Variants in URB1 observed in about 807,000 individuals in gnomAD.
URB1 encodes the protein nucleolar pre-ribosomal-associated protein 1.
A neutral mutation model predicts 242.3 loss-of-function variants in URB1; 197 were observed. The ratio of observed to expected loss-of-function variants is 0.81; its 90% CI spans 0.72 to 0.91. URB1 has a LOEUF of 0.91. Ranked by LOEUF, URB1 falls within the 40% of genes least tolerant of loss-of-function variation. URB1 has a pLI of 0.00. For missense variants in URB1, 2,721 were observed against 2,860.5 expected (o/e 0.95, Z 1.11); for synonymous variants, 1,153 against 1,201.8 (o/e 0.96, Z 0.84).
Position 32,333,383 on chromosome 21 carries a change from C to T in URB1, c.4894G>A (p.Val1632Met). 9.0e-6 allele frequency: 14 copies of T among 1,551,712 alleles called. No homozygotes were observed. The highest frequency in any genetic ancestry group is 1.2e-5 in the Non-Finnish European group (14 of 1,146,994). ...QELIFKDKSRVDLDGLYDPCF... is the reference protein window; with the variant it reads ...QELIFKDKSRMDLDGLYDPCF... ...GGGTCATAGAGGCCATCAAGATCCA[C>T]CCTGCTTTTGTCTTTGAATATCAGC... The change falls in exon 30 of 39, where the codon GTG (valine) becomes ATG (methionine). Residue 1632 changes from valine (V) to methionine (M), a missense_variant. Coordinates refer to ENST00000382751, the MANE Select transcript of URB1 (RefSeq NM_014825.3).
At position 32,319,428 on chromosome 21, in the gene URB1, C is replaced by A; in HGVS notation, c.5595-14G>T. 1 of 1,499,176 alleles carries A rather than the reference C, an allele frequency of 6.7e-7. No homozygotes were observed. 92.9% of individuals were successfully genotyped at this position (1,499,176 alleles called of 1,614,324 possible). On this transcript the variant is annotated splice_polypyrimidine_tract_variant and intron_variant, in intron 35 of 38. Coordinates refer to ENST00000382751, the MANE Select transcript of URB1 (RefSeq NM_014825.3). ...GTCTCCAGAAACCTAAAACCAAGCA[C>A]AACAGCCTTCAATCCGCCACATCCT...
chr21:32,358,706 TC>T (rs1299761977), intron 14 of URB1, among the ~76,000 whole-genome samples: 1 of 152,036 alleles, frequency 6.6e-6, no homozygotes, highest in African/African-American at 2.4e-5. Context: ...ATTATCAAGA[TC>T]CCATGAGCCT....
rs1256838137 is a variant in URB1, at chr21:32,317,681, A to G, written c.6029T>C (p.Leu2010Pro). Residue 2010 changes from leucine to proline, a missense_variant, in exon 37 of 39, where the codon CTC becomes CCC. Coordinates refer to ENST00000382751, the MANE Select transcript of URB1 (RefSeq NM_014825.3). The stretch of plus-strand genomic sequence containing the variant: ...TCCTGGGTTCTGACACTCACTCATG[A>G]GCTCCCGGGCTTGGGCCTTCTCAAT... ...AAIEKAQARE[L>P]MKMLKDKNKP... is the part of the protein sequence containing the mutation. The G allele has an allele frequency of 6.4e-7, 1 of 1,551,504 alleles. No homozygotes were observed. Among genetic ancestry groups the G allele is most frequent in the African/African-American group, 1.4e-5 (1 of 73,020 alleles).
intron 1 of URB1, among the ~76,000 whole-genome samples, chr21:32,386,795 T>TACTA (rs887813995): frequency 6.6e-6 from 1 of 152,142 alleles, no homozygotes; most frequent in Non-Finnish European, 1.5e-5. Context: ...TTTCCCTAGG[T>TACTA]ACTAGTATTT....
intron 5 of URB1, among the ~76,000 whole-genome samples, chr21:32,377,823 C>T (rs2033476715): frequency 6.6e-6 from 1 of 152,156 alleles, no homozygotes. Context: ...TGGGACTGCT[C>T]CTCACCTCCA....
rs372764607 is a variant in URB1 at position 32,384,356 on chromosome 21, G to A, written c.391C>T (p.His131Tyr). Residue 131 changes from histidine to tyrosine, a missense_variant, in exon 3 of 39, where the codon CAC (histidine) becomes TAC (tyrosine). His to Tyr is a moderately conservative substitution (Grantham distance 83, BLOSUM62 2). Coordinates refer to ENST00000382751, the MANE Select transcript of URB1 (RefSeq NM_014825.3). ...AGGGACTCACAGATGAGCTTCATGT[G>A]GTTGTTCATCAGCTTTTTCACAATG... ...TNIVKKLMNN[H>Y]MKLICESLYA... 22 of 1,552,220 alleles carry A rather than the reference G, an allele frequency of 1.4e-5. No individual in the cohort carries two copies. Among genetic ancestry groups the A allele is most frequent in the Non-Finnish European group, 1.9e-5 (22 of 1,147,120 alleles).
chr21:32,388,999 T>C (rs2033612088), intron 1 of URB1, among the ~76,000 whole-genome samples: 1 of 152,158 alleles, frequency 6.6e-6, no homozygotes, highest in East Asian at 1.9e-4. Flanking sequence ...TGTGAGTATT[T>C]ATTAAGCACC....
intron 24 of URB1, among the ~76,000 whole-genome samples, chr21:32,343,008 T>C (rs2033047841): frequency 6.6e-6 from 1 of 152,052 alleles, no homozygotes; most frequent in South Asian, 2.1e-4. Context: ...AAAAAAAATC[T>C]CTAAATATGG....
chr21:32,313,349 G>C lies in URB1; in HGVS notation c.*1569C>G, dbSNP rs1392938899. 1 of 152,272 alleles carries C rather than the reference G, an allele frequency of 6.6e-6. No individual in the cohort carries two copies. Among genetic ancestry groups the C allele is most frequent in the Non-Finnish European group, 1.5e-5 (1 of 68,064 alleles). The allele number at this position is 152,272 out of a possible 1,614,324, so 9.4% of individuals were successfully genotyped here. ...AAGGAATCCCCAAAGATAGGCCTTG[G>C]AGAGGTGGATAAAGATTAAGGGGAA... On this transcript the variant is annotated 3_prime_UTR_variant, in exon 39 of 39. Transcript: ENST00000382751.
Position 32,358,052 on chromosome 21 carries a change from C to T in URB1, c.1870-396G>A, listed in dbSNP as rs575774422. Reference sequence around the variant, plus strand: ...TCCAAAAACAAAAAACAAAACATAACGTAGCAGGAGCCATCACTTGCTGAA... The same window carrying T: ...TCCAAAAACAAAAAACAAAACATAATGTAGCAGGAGCCATCACTTGCTGAA... On this transcript the variant is annotated intron_variant, in intron 14 of 38. Transcript: ENST00000382751. Among the ~76,000 whole-genome samples, 9 of 152,226 alleles carry T rather than the reference C, an allele frequency of 5.9e-5. No homozygotes were observed. The East Asian group carries it at 1.4e-3, about 23-fold the overall frequency.
intron 20 of URB1, 100 bp from the exon 21 acceptor site, chr21:32,349,583 G>C (rs912342268): frequency 7.8e-7 from 1 of 1,282,942 alleles, no homozygotes; most frequent in Non-Finnish European, 1.0e-6. Context: ...GGAGACTCGG[G>C]AGGCAGGCTG....
At chr21:32,351,066 G>A in intron 19 of URB1, 144 bp from the exon 20 acceptor site, 1 of 858,380 alleles carries the variant, frequency 1.2e-6, no homozygotes. Flanking sequence ...GGGACCGTGT[G>A]GCATTTTACT....
At chr21:32,389,645 A>T (rs1175217000) in intron 1 of URB1, among the ~76,000 whole-genome samples, 1 of 152,254 alleles carries the variant, frequency 6.6e-6, no homozygotes, top group Non-Finnish European at 1.5e-5. Flanking sequence ...TCTGGCAGGA[A>T]CATCCAGCTA....
In URB1 at chr21:32,347,233, G is replaced by C; in HGVS notation, c.3591C>G (p.Asp1197Glu). ...LLPTLAVDEL[D>E]TVLLHTLQRD... ...TCTGCAGAGTGTGGAGGAGCACTGT[G>C]TCCAGCTCGTCCACTGCTAGCGTGG... Residue 1197 changes from aspartate (D) to glutamate (E), a missense_variant, in exon 22 of 39, where the codon GAC becomes GAG. Physicochemically the swap from Asp to Glu is conservative, Grantham distance 45. Transcript: ENST00000382751. 1 of 1,550,730 alleles carries C rather than the reference G, an allele frequency of 6.4e-7. No individual in the cohort carries two copies. Among genetic ancestry groups the C allele is most frequent in the Non-Finnish European group, 8.7e-7 (1 of 1,146,966 alleles).
intron 15 of URB1, among the ~76,000 whole-genome samples, chr21:32,357,328 A>C (rs998292376): frequency 6.6e-5 from 10 of 152,142 alleles, no homozygotes; most frequent in Admixed American, 3.3e-4. Flanking sequence ...AAAAAAAAAA[A>C]AAAACATTTT....
intron 24 of URB1, among the ~76,000 whole-genome samples, chr21:32,342,989 C>T (rs897612872): frequency 2.6e-5 from 4 of 151,844 alleles, no homozygotes; most frequent in Admixed American, 1.3e-4. Context: ...CCGCAGTCAT[C>T]GGGTGGGGAA....
At position 32,366,737 on chromosome 21, in the gene URB1, C is replaced by A; in HGVS notation, c.1216G>T (p.Glu406Ter). The A allele has an allele frequency of 6.4e-7, 1 of 1,551,572 alleles. No individual in the cohort carries two copies. The change falls in exon 10 of 39, where the codon GAG becomes TAG. Residue 406 changes from glutamate (E) to a stop codon, truncating the protein, a stop_gained. Coordinates refer to ENST00000382751, the MANE Select transcript of URB1 (RefSeq NM_014825.3). LOFTEE classifies it high-confidence loss of function. ...CTGGTCTGAAATGCCCGGGAAATCT[C>A]CGGCTGAGCCTCATAGATCTAGGAA... Reference protein sequence around the residue: ...LLNKIYEAQPEISRAFQTREF... With the variant: ...LLNKIYEAQP
Position 32,314,053 on chromosome 21 carries a change from A to G in URB1, c.*865T>C, listed in dbSNP as rs898772079. 1.9e-5 allele frequency: 3 copies of G among 154,286 alleles called. No individual in the cohort carries two copies. Among genetic ancestry groups the G allele is most frequent in the African/African-American group, 7.2e-5 (3 of 41,482 alleles). 9.6% of individuals were successfully genotyped at this position (154,286 alleles called of 1,614,324 possible). A position where few individuals can be genotyped will look rare whatever the true frequency, so the allele number is the denominator to read the frequency against. Reference sequence around the variant, plus strand: ...GGCTGTCTTCTCAAAGCAGAGGTCAAATCACTTTTATTCTTTAAGGATTCA... The same window carrying G: ...GGCTGTCTTCTCAAAGCAGAGGTCAGATCACTTTTATTCTTTAAGGATTCA... On this transcript the variant is annotated 3_prime_UTR_variant, in exon 39 of 39. Coordinates refer to ENST00000382751, the MANE Select transcript of URB1 (RefSeq NM_014825.3).
intron 28 of URB1, 134 bp from the exon 29 acceptor site, chr21:32,334,468 A>T (rs896042103): frequency 1.9e-6 from 2 of 1,042,140 alleles, no homozygotes; most frequent in Admixed American, 2.8e-5. Context: ...GCGACGTGTT[A>T]TATCACTCAA....
Sources: gnomAD v4.1 joint callset for allele counts (sites outside exome capture counted in the v4.1 genomes callset) on GRCh38, gnomAD v4.1.1 for gene constraint, MANE v1.5 for transcripts, NCBI Gene and HGNC (gene_info 2026-07-23, HGNC 2026-07-21) for gene names.